Variants in ALDH1A2 observed in about 807,000 individuals in gnomAD.
ALDH1A2 encodes retinal dehydrogenase 2.
In ALDH1A2, 27 loss-of-function variants were observed where a neutral mutation model predicts 60.3. The ratio of observed to expected loss-of-function variants is 0.45; its 90% CI spans 0.33 to 0.62. The LOEUF (loss-of-function observed/expected upper bound fraction) is 0.62, where lower values mean the gene tolerates loss of function less well. ALDH1A2 is among the 20% of genes least tolerant of loss of function. The pLI is 0.02. For synonymous variants in ALDH1A2, 289 were observed against 232.4 expected (o/e 1.24, Z -2.21); for missense variants, 581 against 643.8 (o/e 0.90, Z 1.06).
At chr15:57,964,538 T>A (rs1893832782) in intron 8 of ALDH1A2, 1 of 168,364 alleles carries the variant, frequency 5.9e-6, no homozygotes, top group South Asian at 1.6e-4. Flanking sequence ...AGTGTAATGT[T>A]TAGACAGGTA....
chr15:57,968,610 T>C (rs758804508), intron 7 of ALDH1A2, among the ~76,000 whole-genome samples: 2 of 152,230 alleles, frequency 1.3e-5, no homozygotes, highest in Non-Finnish European at 2.9e-5. Flanking sequence ...ACAAAAATAA[T>C]GTTCATAAAT....
chr15:57,992,607 T>G, intron 7 of ALDH1A2, 98 bp downstream of exon 7: 1 of 1,112,806 alleles, frequency 9.0e-7, no homozygotes, highest in Non-Finnish European at 1.4e-6. Flanking sequence ...TCACTGCCCT[T>G]TTGGTGTCTA....
chr15:58,017,923 G>C (rs1461075630), intron 1 of ALDH1A2, among the ~76,000 whole-genome samples: 1 of 152,072 alleles, frequency 6.6e-6, no homozygotes, highest in East Asian at 1.9e-4. Context: ...TATTTTTGTA[G>C]ACCTAGTCTT....
chr15:58,029,974 G>T (rs990161422), intron 1 of ALDH1A2, among the ~76,000 whole-genome samples: 17 of 152,138 alleles, frequency 1.1e-4, no homozygotes, highest in Non-Finnish European at 2.1e-4. Flanking sequence ...AGACGATCTG[G>T]TACCATTCCT....
At chr15:58,030,340 C>T (rs1240716953) in intron 1 of ALDH1A2, among the ~76,000 whole-genome samples, 1 of 152,162 alleles carries the variant, frequency 6.6e-6, no homozygotes, top group African/African-American at 2.4e-5. Context: ...AATTCAACAG[C>T]TCTTCATGTT....
At position 57,960,848 on chromosome 15, in the gene ALDH1A2, AAAG is replaced by A; in HGVS notation, c.1410-7_1410-5del. ...TAAGGCATTGTAACAATTGATCCTG[AAAG>A]AAGAAAACATAGCACTGTGAGTTCG... On this transcript the variant is annotated splice_region_variant and splice_polypyrimidine_tract_variant and intron_variant, in intron 11 of 12. Transcript: ENST00000249750. 6.2e-7 allele frequency: 1 copy of A among 1,613,678 alleles called. No individual in the cohort carries two copies. Among genetic ancestry groups the A allele is most frequent in the Non-Finnish European group, 8.5e-7 (1 of 1,179,590 alleles).
At chr15:57,998,030 C>T (rs1895123396) in intron 4 of ALDH1A2, among the ~76,000 whole-genome samples, 2 of 151,900 alleles carry the variant, frequency 1.3e-5, no homozygotes, top group Admixed American at 6.6e-5. Flanking sequence ...AAAGTAGAGG[C>T]ATTGATGGAA....
At chr15:57,995,522 A>T (rs1163546429) in intron 4 of ALDH1A2, among the ~76,000 whole-genome samples, 1 of 152,122 alleles carries the variant, frequency 6.6e-6, no homozygotes, top group African/African-American at 2.4e-5. Context: ...ACAAACCTTT[A>T]AATAACTTTC....
At chr15:57,960,876 G>C in intron 11 of ALDH1A2, 32 bp from the exon 12 acceptor site, 1 of 1,589,760 alleles carries the variant, frequency 6.3e-7, no homozygotes, top group Non-Finnish European at 8.6e-7. Flanking sequence ...CTGTGAGTTC[G>C]TGTGAAGTCT....
At chr15:58,057,678 C>T (rs1896930547) in intron 1 of ALDH1A2, among the ~76,000 whole-genome samples, 1 of 152,168 alleles carries the variant, frequency 6.6e-6, no homozygotes, top group African/African-American at 2.4e-5. Flanking sequence ...TCATCTCAAA[C>T]ATTTAGCATC....
At position 58,065,611 on chromosome 15, in the gene ALDH1A2, C is replaced by T. The variant is rs1255219992; in HGVS notation, c.40G>A (p.Ala14Thr). Residue 14 changes from alanine to threonine, a missense_variant, in exon 1 of 13, where the codon GCC becomes ACC. Physicochemically the swap from Ala to Thr is moderately conservative, Grantham distance 58 (BLOSUM62 0). Coordinates refer to ENST00000249750, the MANE Select transcript of ALDH1A2 (RefSeq NM_003888.4). Reference protein sequence around the residue: ...SKIEMPGEVKADPAALMASLH... With the variant: ...SKIEMPGEVKTDPAALMASLH... ...GACGCCATGAGGGCGGCGGGGTCGGCCTTCACCTCGCCGGGCATCTCTATC... is the reference window on the plus strand; with the variant it reads ...GACGCCATGAGGGCGGCGGGGTCGGTCTTCACCTCGCCGGGCATCTCTATC... 7.5e-6 allele frequency: 12 copies of T among 1,609,472 alleles called. No individual in the cohort carries two copies. In the African/African-American group the frequency reaches 1.1e-4, roughly 14 times the overall value.
At chr15:58,055,948 T>G (rs1020222054) in intron 1 of ALDH1A2, among the ~76,000 whole-genome samples, 1 of 152,120 alleles carries the variant, frequency 6.6e-6, no homozygotes, top group Non-Finnish European at 1.5e-5. Flanking sequence ...ATCCATGTTT[T>G]CTCCAAATCT....
intron 4 of ALDH1A2, among the ~76,000 whole-genome samples, chr15:58,005,738 G>A (rs1217784936): frequency 6.6e-6 from 1 of 151,636 alleles, no homozygotes; most frequent in African/African-American, 2.4e-5. Context: ...TTTTTTTATG[G>A]GTGACCAAAC....
intron 7 of ALDH1A2, among the ~76,000 whole-genome samples, chr15:57,966,234 T>C (rs1010823624): frequency 6.6e-6 from 1 of 152,172 alleles, no homozygotes; most frequent in Non-Finnish European, 1.5e-5. Flanking sequence ...ATAAAACAAA[T>C]TGTTCATGTA....
At chr15:58,034,000 A>C (rs1028912059) in intron 1 of ALDH1A2, among the ~76,000 whole-genome samples, 33 of 151,520 alleles carry the variant, frequency 2.2e-4, no homozygotes, top group Non-Finnish European at 4.4e-5. Context: ...TAAACTTTAT[A>C]ATTAGTTTGT....
intron 1 of ALDH1A2, among the ~76,000 whole-genome samples, chr15:58,059,820 T>C (rs1038316772): frequency 1.3e-5 from 2 of 152,234 alleles, no homozygotes; most frequent in South Asian, 2.1e-4. Flanking sequence ...GAGGATTCCA[T>C]AGCTACCCAG....
At chr15:57,974,697 T>C (rs1475823011) in intron 7 of ALDH1A2, among the ~76,000 whole-genome samples, 1 of 152,120 alleles carries the variant, frequency 6.6e-6, no homozygotes, top group Admixed American at 6.6e-5. Context: ...GAGAAAGTCT[T>C]TGTGATCTTA....
chr15:58,052,595 A>G (rs1050353534), intron 1 of ALDH1A2, among the ~76,000 whole-genome samples: 1 of 152,130 alleles, frequency 6.6e-6, no homozygotes, highest in Non-Finnish European at 1.5e-5. Context: ...CCAGTATCAC[A>G]AAGCATTTTC....
chr15:58,010,200 GC>G (rs1196301824), intron 4 of ALDH1A2, among the ~76,000 whole-genome samples: 1 of 152,106 alleles, frequency 6.6e-6, no homozygotes, highest in African/African-American at 2.4e-5. Flanking sequence ...CTGAAAATCA[GC>G]CATAATCTCA....
Sources: allele counts gnomAD v4.1 joint callset (sites outside exome capture counted in the v4.1 genomes callset), GRCh38; gene constraint gnomAD v4.1.1; transcripts MANE v1.5; gene names NCBI Gene and HGNC (gene_info 2026-07-23, HGNC 2026-07-21).